The following SYTL2 variants were observed in gnomAD, a reference collection of about 807,000 sequenced individuals.
SYTL2 encodes synaptotagmin-like protein 2.
Under a neutral mutation model 198.7 loss-of-function variants are expected in SYTL2, and 165 were observed. That is an observed-to-expected ratio of 0.83 (90% CI 0.73 to 0.94). SYTL2 has a LOEUF of 0.94. Ranked by LOEUF, SYTL2 falls within the 40% of genes least tolerant of loss-of-function variation. The probability of loss-of-function intolerance (pLI) is 0.00; values close to 1 mark genes in which losing one functional copy is unlikely to be tolerated. For missense variants in SYTL2, 2,835 were observed against 2,582.8 expected, an observed-to-expected ratio of 1.10 and a Z score of -2.12; for synonymous variants, 966 against 917.7, an observed-to-expected ratio of 1.05 and a Z score of -0.95.
chr11:85,794,975 T>C (rs2153634380), intron 1 of SYTL2, among the ~76,000 whole-genome samples: 1 of 152,312 alleles, frequency 6.6e-6, no homozygotes, highest in East Asian at 1.9e-4. Context: ...AGAGGTTAAG[T>C]GGCTGTACTT....
chr11:85,832,840 A>T, the SYTL2 span, among the ~76,000 whole-genome samples: 1,868 of 150,710 alleles, frequency 0.012, 16 homozygotes, highest in Middle Eastern at 0.031. Context: ...AAAAAAAAAA[A>T]TTTTAATTAG....
intron 11 of SYTL2, 168 bp from the exon 12 acceptor site, chr11:85,714,675 G>A: frequency 7.4e-7 from 1 of 1,344,226 alleles, no homozygotes; most frequent in Non-Finnish European, 9.6e-7. Context: ...GCAACATGCA[G>A]TTTTTATAAA....
chr11:85,727,383 C>T lies in SYTL2; in HGVS notation c.1975G>A (p.Gly659Arg). The stretch of plus-strand genomic sequence containing the variant: ...CTATTTGAAGGAGATGCCCCATTCC[C>T]TTTTCCTGGGCTTTTTGAATCTTGG... Reference protein sequence around the residue: ...YSQDSKSPGKGNGASPSNSNY... With the variant: ...YSQDSKSPGKRNGASPSNSNY... The change falls in exon 8 of 20, where the codon GGG (glycine) becomes AGG (arginine). Residue 659 changes from glycine to arginine, a missense_variant. Transcript: ENST00000359152. The T allele has an allele frequency of 6.5e-7, 1 of 1,536,298 alleles. No homozygotes were observed. Among genetic ancestry groups the T allele is most frequent in the Non-Finnish European group, 8.7e-7 (1 of 1,146,928 alleles).
rs1271710785 is a variant in SYTL2 at position 85,734,550 on chromosome 11, C to T, written c.779G>A (p.Arg260Lys). 1.2e-6 allele frequency: 2 copies of T among 1,614,056 alleles called. No individual in the cohort carries two copies. Among genetic ancestry groups the T allele is most frequent in the Non-Finnish European group, 1.7e-6 (2 of 1,180,036 alleles). Residue 260 changes from arginine (R) to lysine (K), a missense_variant, in exon 7 of 20, where the codon AGG becomes AAG. Physicochemically the swap from Arg to Lys is conservative, Grantham distance 26. Around this residue, in one of 3 missense-constraint regions of SYTL2, gnomAD observed 2,645 missense variants for 2,381.7 expected, o/e 1.11. Transcript: ENST00000359152. ...KDDNQSFPRQ[R>K]TDSLKARGAP... ...CCCTCTCGCTTTCAGGGAGTCTGTCCTTTGTCTAGGAAAAGACTGGTTATC... is the reference window on the plus strand; with the variant it reads ...CCCTCTCGCTTTCAGGGAGTCTGTCTTTTGTCTAGGAAAAGACTGGTTATC...
At chr11:85,739,280 T>C (rs1051310494) in intron 4 of SYTL2, among the ~76,000 whole-genome samples, 7 of 142,466 alleles carry the variant, frequency 4.9e-5, no homozygotes, top group African/African-American at 1.9e-4. Context: ...TTTTAATCCA[T>C]GTTATTTGCA....
chr11:85,724,537 T>C lies in SYTL2; in HGVS notation c.4821A>G (p.Thr1607=). The C allele has an allele frequency of 1.2e-6, 2 of 1,614,028 alleles. No homozygotes were observed. Among genetic ancestry groups the C allele is most frequent in the Non-Finnish European group, 1.7e-6 (2 of 1,180,018 alleles). The change falls in exon 8 of 20, where the codon ACA becomes ACG. Residue 1607 remains threonine (T), a synonymous_variant. Coordinates refer to ENST00000359152, the MANE Select transcript of SYTL2 (RefSeq NM_206927.4). ...SQSEQTRFLG[T]VPHFYRAASQ... Reference sequence around the variant, plus strand: ...AGGCTGCCCTGTAAAAATGGGGCACTGTCCCCAAGAACCTGGTCTGCTCTG... The same window carrying C: ...AGGCTGCCCTGTAAAAATGGGGCACCGTCCCCAAGAACCTGGTCTGCTCTG...
At chr11:85,786,386 A>ATT (rs2092636401) in intron 1 of SYTL2, among the ~76,000 whole-genome samples, 2 of 152,184 alleles carry the variant, frequency 1.3e-5, no homozygotes, top group Non-Finnish European at 1.5e-5. Context: ...TAATACACAC[A>ATT]GGCCCATATG....
chr11:85,815,227 A>G (rs2093060012), upstream of SYTL2, among the ~76,000 whole-genome samples: 3 of 152,236 alleles, frequency 2.0e-5, no homozygotes, highest in South Asian at 6.2e-4. Context: ...CCTTTCTCTT[A>G]AAGACATGAC....
intron 3 of SYTL2, among the ~76,000 whole-genome samples, chr11:85,747,670 T>C (rs1006031458): frequency 2.0e-5 from 3 of 152,198 alleles, no homozygotes; most frequent in Non-Finnish European, 4.4e-5. Flanking sequence ...CTCTTGAATA[T>C]ATCACTGTGG....
At chr11:85,784,671 T>C (rs2092609459) in intron 1 of SYTL2, among the ~76,000 whole-genome samples, 1 of 152,168 alleles carries the variant, frequency 6.6e-6, no homozygotes, top group Non-Finnish European at 1.5e-5. Context: ...ACAAGGGAAA[T>C]AAATGATATC....
At chr11:85,804,428 C>T (rs1396762087) in intron 1 of SYTL2, among the ~76,000 whole-genome samples, 1 of 152,148 alleles carries the variant, frequency 6.6e-6, no homozygotes, top group Non-Finnish European at 1.5e-5. Flanking sequence ...AGTCAAACTG[C>T]CTGGATTCAA....
At chr11:85,807,294 CA>C (rs2092971219) in intron 1 of SYTL2, among the ~76,000 whole-genome samples, 1 of 152,218 alleles carries the variant, frequency 6.6e-6, no homozygotes, top group Non-Finnish European at 1.5e-5. Flanking sequence ...ACTTGAGTCC[CA>C]ATAGAGCATT....
intron 1 of SYTL2, among the ~76,000 whole-genome samples, chr11:85,778,248 T>C (rs1389448869): frequency 1.3e-5 from 2 of 152,228 alleles, no homozygotes; most frequent in Non-Finnish European, 2.9e-5. Flanking sequence ...ATGTAGGTTA[T>C]GATAAGATTA....
chr11:85,735,432 A>G (rs2090242536), intron 6 of SYTL2, among the ~76,000 whole-genome samples: 1 of 152,178 alleles, frequency 6.6e-6, no homozygotes, highest in Non-Finnish European at 1.5e-5. Context: ...ATAAAACCCC[A>G]TTACCTAACA....
chr11:85,792,942 T>C (rs1321592984), intron 1 of SYTL2, among the ~76,000 whole-genome samples: 1 of 151,734 alleles, frequency 6.6e-6, no homozygotes, highest in Admixed American at 6.6e-5. Flanking sequence ...TCCATGTCCC[T>C]ACAAAGGACA....
chr11:85,808,587 T>C (rs1187425848), intron 1 of SYTL2, among the ~76,000 whole-genome samples: 1 of 152,194 alleles, frequency 6.6e-6, no homozygotes, highest in Non-Finnish European at 1.5e-5. Flanking sequence ...AGAACCTTGG[T>C]CCTACTTCTC....
At chr11:85,718,875 T>C in intron 9 of SYTL2, 32 bp from the exon 10 acceptor site, 1 of 1,610,746 alleles carries the variant, frequency 6.2e-7, no homozygotes, top group Non-Finnish European at 8.5e-7. Flanking sequence ...ATGGTTAACA[T>C]GGCTGACCCT....
intron 1 of SYTL2, among the ~76,000 whole-genome samples, chr11:85,808,638 G>T (rs2153662967): frequency 6.6e-6 from 1 of 152,090 alleles, no homozygotes; most frequent in South Asian, 2.1e-4. Context: ...ATAACAATCT[G>T]CCAGGACACC....
At chr11:85,716,800 C>T (rs993798888) in intron 11 of SYTL2, 1 of 151,906 alleles carries the variant, frequency 6.6e-6, no homozygotes, top group Non-Finnish European at 1.5e-5. Context: ...AGATAGTAGT[C>T]ACAGCTAAGT....
Sources: allele counts gnomAD v4.1 joint callset (sites outside exome capture counted in the v4.1 genomes callset), GRCh38; gene constraint gnomAD v4.1.1; regional missense constraint gnomAD v4.1.1; transcripts MANE v1.5; gene names NCBI Gene and HGNC (gene_info 2026-07-23, HGNC 2026-07-21).